Variants in UCHL3 observed in about 807,000 individuals in gnomAD.
The protein encoded by UCHL3 is ubiquitin carboxyl-terminal hydrolase isozyme L3.
In UCHL3, 22 loss-of-function variants were observed where a neutral mutation model predicts 35.8. The ratio of observed to expected loss-of-function variants is 0.61; its 90% CI spans 0.44 to 0.88. The LOEUF is 0.88. UCHL3 is among the 40% of genes least tolerant of loss of function. UCHL3 has a pLI of 0.00. For missense variants in UCHL3, 229 were observed against 276.9 expected (o/e 0.83, Z 1.23); for synonymous variants, 90 against 92.8 (o/e 0.97, Z 0.17).
At position 75,580,742 on chromosome 13, in the gene UCHL3, C is replaced by T. The variant is rs80141954; in HGVS notation, c.474+11235C>T. ...TACCCTAGTTTGATCCTCTCAACTC[C>T]GTAAGATAGCTGTTACCCCATTTTG... On this transcript the variant is annotated intron_variant, in intron 6 of 8. Coordinates refer to ENST00000377595, the MANE Select transcript of UCHL3 (RefSeq NM_006002.5). 7.4e-3 allele frequency among the ~76,000 whole-genome samples: 1,123 copies of T among 152,234 alleles called. 16 individuals are homozygous for T. The highest frequency in any genetic ancestry group is 0.025 in the African/African-American group (1,021 of 41,558).
chr13:75,587,908 T>G (rs1287747359), intron 6 of UCHL3, among the ~76,000 whole-genome samples: 2 of 152,152 alleles, frequency 1.3e-5, no homozygotes, highest in Non-Finnish European at 2.9e-5. Context: ...TCAGTATTCC[T>G]CTCTTGTAAC....
chr13:75,593,925 G>C (rs1301095620), intron 6 of UCHL3, among the ~76,000 whole-genome samples: 1 of 152,136 alleles, frequency 6.6e-6, no homozygotes, highest in East Asian at 1.9e-4. Context: ...GATACTATCT[G>C]TTACTGAAAG....
intron 6 of UCHL3, among the ~76,000 whole-genome samples, chr13:75,583,646 A>G (rs995403069): frequency 6.6e-6 from 1 of 152,200 alleles, no homozygotes; most frequent in Non-Finnish European, 1.5e-5. Flanking sequence ...ATATATAGAT[A>G]CTTGTGTGCA....
chr13:75,572,375 T>G (rs2031888637), intron 6 of UCHL3, among the ~76,000 whole-genome samples: 1 of 152,238 alleles, frequency 6.6e-6, no homozygotes, highest in Admixed American at 6.5e-5. Flanking sequence ...TTTTTCACAT[T>G]TTAAAAACTC....
intron 2 of UCHL3, among the ~76,000 whole-genome samples, chr13:75,551,513 A>G (rs35132275): frequency 0.11 from 16,194 of 152,184 alleles, 1,161 homozygotes; most frequent in Non-Finnish European, 0.16. Context: ...ATATTAAGAA[A>G]ACTGCAAATC....
At chr13:75,581,521 T>G (rs1217726337) in intron 6 of UCHL3, among the ~76,000 whole-genome samples, 1 of 148,008 alleles carries the variant, frequency 6.8e-6, no homozygotes, top group Non-Finnish European at 1.5e-5. Context: ...GGCTAATTTT[T>G]TTTTTTTTTT....
At chr13:75,589,659 C>T (rs181467370) in intron 6 of UCHL3, among the ~76,000 whole-genome samples, 616 of 152,116 alleles carry the variant, frequency 4.0e-3, no homozygotes, top group Non-Finnish European at 6.2e-3. Flanking sequence ...GTGGCTTTTA[C>T]ATATTAATTT....
chr13:75,591,331 C>T (rs1318043713), intron 6 of UCHL3, among the ~76,000 whole-genome samples: 3 of 152,114 alleles, frequency 2.0e-5, no homozygotes, highest in Non-Finnish European at 4.4e-5. Context: ...TGGGTCACGA[C>T]ATTCTTCATT....
intron 2 of UCHL3, 39 bp from the exon 3 acceptor site, chr13:75,560,714 A>T: frequency 6.4e-7 from 1 of 1,561,530 alleles, no homozygotes; most frequent in Non-Finnish European, 8.6e-7. Context: ...TTACCAACTA[A>T]TGTTCCATTG....
At chr13:75,586,155 T>G (rs1260575395) in intron 6 of UCHL3, among the ~76,000 whole-genome samples, 1 of 151,624 alleles carries the variant, frequency 6.6e-6, no homozygotes, top group Non-Finnish European at 1.5e-5. Context: ...AAGATAACAA[T>G]CAAAAGGATG....
intron 7 of UCHL3, among the ~76,000 whole-genome samples, chr13:75,601,891 C>G (rs2032789297): frequency 6.6e-6 from 1 of 152,066 alleles, no homozygotes; most frequent in Admixed American, 6.5e-5. Context: ...GGGTGGATCA[C>G]AAGGTCAGGA....
chr13:75,579,509 G>A (rs2032119674), intron 6 of UCHL3, among the ~76,000 whole-genome samples: 1 of 151,684 alleles, frequency 6.6e-6, no homozygotes, highest in Admixed American at 6.6e-5. Context: ...CTTGAATAGA[G>A]GCCTTCCCTT....
chr13:75,567,116 A>C lies in UCHL3; in HGVS notation c.341-111A>C. The C allele has an allele frequency of 5.8e-6, 6 of 1,029,604 alleles. 1 individual carries two copies. In the South Asian group the frequency reaches 7.9e-5, roughly 13 times the overall value. The allele number at this position is 1,029,604 out of a possible 1,614,324, so 63.8% of individuals were successfully genotyped here. ...AACATGATCCTTACATTTCTAACCT[A>C]CCAATGAAAGAATTTAACCTGAAAA... On this transcript the variant is annotated intron_variant, in intron 4 of 8. Transcript: ENST00000377595.
At chr13:75,590,082 C>T (rs932573540) in intron 6 of UCHL3, 17 of 1,304,356 alleles carry the variant, frequency 1.3e-5, no homozygotes, top group South Asian at 4.9e-5. Flanking sequence ...CCGTCTTCGT[C>T]GCTGGCGACC....
At chr13:75,598,540 C>T (rs150346500) in intron 7 of UCHL3, among the ~76,000 whole-genome samples, 45 of 152,268 alleles carry the variant, frequency 3.0e-4, no homozygotes, top group African/African-American at 9.6e-4. Context: ...TCTTGTCTTT[C>T]ATGACTGTAA....
intron 6 of UCHL3, among the ~76,000 whole-genome samples, chr13:75,576,389 C>T (rs866239120): frequency 6.6e-6 from 1 of 152,092 alleles, no homozygotes; most frequent in Admixed American, 6.5e-5. Context: ...GCCACCACAC[C>T]CGGCTAATTT....
At chr13:75,570,385 G>A (rs1012573530) in intron 6 of UCHL3, among the ~76,000 whole-genome samples, 4 of 151,918 alleles carry the variant, frequency 2.6e-5, no homozygotes, top group Admixed American at 6.6e-5. Context: ...ACAGGCGCCC[G>A]CCACCATGCC....
chr13:75,566,896 A>G, intron 4 of UCHL3, 45 bp downstream of exon 4: 3 of 1,552,898 alleles, frequency 1.9e-6, no homozygotes, highest in Non-Finnish European at 2.6e-6. Context: ...TTAAGATACA[A>G]GTTAATTGCA....
intron 6 of UCHL3, among the ~76,000 whole-genome samples, chr13:75,593,273 A>C (rs2032559965): frequency 6.6e-6 from 1 of 152,176 alleles, no homozygotes; most frequent in South Asian, 2.1e-4. Context: ...ATAATTGCCT[A>C]GGTTTAGCCT....
Sources: gnomAD v4.1 joint callset for allele counts (sites outside exome capture counted in the v4.1 genomes callset) on GRCh38, gnomAD v4.1.1 for gene constraint, MANE v1.5 for transcripts, NCBI Gene and HGNC (gene_info 2026-07-23, HGNC 2026-07-21) for gene names.